Variants in PLXNA4 observed in about 807,000 individuals in gnomAD.
PLXNA4 encodes the protein plexin A4.
A neutral mutation model predicts 191.8 loss-of-function variants in PLXNA4; 44 were observed. That is an observed-to-expected ratio of 0.23 (90% CI 0.18 to 0.29). The LOEUF is 0.29. Among genes scored for constraint, PLXNA4 ranks in the 10% least tolerant of loss-of-function variants. PLXNA4 has a pLI of 1.00. For missense variants in PLXNA4, 1,800 were observed against 2,488.8 expected, an observed-to-expected ratio of 0.72 and a Z score of 5.89; for synonymous variants, 1,082 against 1,009.5, an observed-to-expected ratio of 1.07 and a Z score of -1.36.
chr7:132,318,001 G>A (rs1454767703), intron 3 of PLXNA4, among the ~76,000 whole-genome samples: 1 of 152,238 alleles, frequency 6.6e-6, no homozygotes, highest in Non-Finnish European at 1.5e-5. Flanking sequence ...TGCCTCCTGG[G>A]AAAGGCTGTA....
chr7:132,169,343 G>A (rs1181498991), intron 21 of PLXNA4, among the ~76,000 whole-genome samples: 2 of 152,190 alleles, frequency 1.3e-5, no homozygotes, highest in Admixed American at 6.5e-5. Context: ...CAGCAAACAC[G>A]AGTCAATGAC....
In PLXNA4 at chr7:132,440,098, C is replaced by T. The variant is rs377291793; in HGVS notation, c.1371+49194G>A. 9.9e-5 allele frequency among the ~76,000 whole-genome samples: 15 copies of T among 152,160 alleles called. No homozygotes were observed. The East Asian group carries it at 2.7e-3, about 27-fold the overall frequency. On this transcript the variant is annotated intron_variant, in intron 3 of 31. Coordinates refer to ENST00000321063, the MANE Select transcript of PLXNA4 (RefSeq NM_020911.2). Reference sequence around the variant, plus strand: ...TCATAATAGGGTCAATTACATTCTCCGATTTCCCCACAAGTGAGGCAACAA... The same window carrying T: ...TCATAATAGGGTCAATTACATTCTCTGATTTCCCCACAAGTGAGGCAACAA...
chr7:132,313,148 A>C (rs1269145080), intron 3 of PLXNA4, among the ~76,000 whole-genome samples: 1 of 152,134 alleles, frequency 6.6e-6, no homozygotes, highest in Non-Finnish European at 1.5e-5. Flanking sequence ...CTATGTCCCC[A>C]TCACTTTTCC....
intron 3 of PLXNA4, among the ~76,000 whole-genome samples, chr7:132,326,337 A>T (rs139123539): frequency 4.6e-5 from 7 of 152,036 alleles, no homozygotes; most frequent in African/African-American, 1.7e-4. Flanking sequence ...TTTACAACAA[A>T]CCTCTTTATG....
At chr7:132,552,808 G>A (rs1472567097) in intron 1 of PLXNA4, among the ~76,000 whole-genome samples, 2 of 152,168 alleles carry the variant, frequency 1.3e-5, no homozygotes, top group Admixed American at 6.5e-5. Context: ...AAATCAATTA[G>A]GTGCCTGAGA....
intron 4 of PLXNA4, among the ~76,000 whole-genome samples, chr7:132,251,300 GA>G (rs923132124): frequency 3.3e-5 from 5 of 152,140 alleles, no homozygotes; most frequent in African/African-American, 1.2e-4. Flanking sequence ...TTTAGCAAAT[GA>G]CACAGACAAA....
chr7:132,142,638 C>G (rs1294537166), intron 29 of PLXNA4, among the ~76,000 whole-genome samples: 1 of 152,124 alleles, frequency 6.6e-6, no homozygotes, highest in African/African-American at 2.4e-5. Context: ...AAATGTTTGG[C>G]GGTGTTTGCT....
rs776561964 is a variant in PLXNA4 at position 132,163,064 on chromosome 7, G to T, written c.4500+1078C>A. Among the ~76,000 whole-genome samples, 97 of 152,266 alleles carry T rather than the reference G, an allele frequency of 6.4e-4. 1 individual carries two copies. Among genetic ancestry groups the T allele is most frequent in the Admixed American group, 1.4e-3 (22 of 15,296 alleles). ...TTCCCCGTCCTCCTCGTTCCCTTCT[G>T]TCTCTCTTGCCTCCATTCTTGGGTG... On this transcript the variant is annotated intron_variant, in intron 24 of 31. Coordinates refer to ENST00000321063, the MANE Select transcript of PLXNA4 (RefSeq NM_020911.2).
At chr7:132,207,647 G>T (rs1230596775) in intron 10 of PLXNA4, among the ~76,000 whole-genome samples, 1 of 152,168 alleles carries the variant, frequency 6.6e-6, no homozygotes, top group Non-Finnish European at 1.5e-5. Flanking sequence ...CTCCCACACT[G>T]AATTTTCTTC....
chr7:132,494,264 A>T (rs1417864162), intron 2 of PLXNA4, among the ~76,000 whole-genome samples: 1 of 152,242 alleles, frequency 6.6e-6, no homozygotes, highest in Non-Finnish European at 1.5e-5. Context: ...CTGAAGGAGC[A>T]GGGGAATGGT....
intron 9 of PLXNA4, among the ~76,000 whole-genome samples, chr7:132,220,498 C>A (rs568175047): frequency 2.0e-5 from 3 of 152,286 alleles, no homozygotes; most frequent in African/African-American, 7.2e-5. Context: ...TACCCCAGAG[C>A]CCCTCCCTGC....
chr7:132,224,730 A>G (rs1798256877), intron 8 of PLXNA4, among the ~76,000 whole-genome samples: 1 of 152,144 alleles, frequency 6.6e-6, no homozygotes, highest in South Asian at 2.1e-4. Flanking sequence ...TTGCCGCAAG[A>G]GGCAAGAGGA....
At chr7:132,291,520 G>C (rs1800890454) in intron 4 of PLXNA4, among the ~76,000 whole-genome samples, 1 of 152,184 alleles carries the variant, frequency 6.6e-6, no homozygotes, top group Non-Finnish European at 1.5e-5. Context: ...CTCAGAGCAG[G>C]TGCTCAGTAA....
intron 3 of PLXNA4, among the ~76,000 whole-genome samples, chr7:132,451,132 G>A (rs974226082): frequency 3.3e-5 from 5 of 152,228 alleles, no homozygotes; most frequent in Admixed American, 6.5e-5. Context: ...TAAGGAAGGA[G>A]CGTGAGGCCA....
chr7:132,235,832 G>A (rs555721143), intron 5 of PLXNA4, among the ~76,000 whole-genome samples: 10 of 152,328 alleles, frequency 6.6e-5, no homozygotes, highest in East Asian at 3.9e-4. Context: ...TTCTGGCCCA[G>A]GACAGGAGAT....
rs1802604130 is a variant in PLXNA4, at chr7:132,331,913, C to T, written c.1372-33691G>A. Among the ~76,000 whole-genome samples, 4 of 152,056 alleles carry T rather than the reference C, an allele frequency of 2.6e-5. No individual in the cohort carries two copies. In the South Asian group the frequency reaches 6.2e-4, roughly 24 times the overall value. ...GCATCTGTGAGAAAGTGGAAGGGGCCCTTGAGTGTTGAGATCTGGGTCCTA... is the reference window on the plus strand; with the variant it reads ...GCATCTGTGAGAAAGTGGAAGGGGCTCTTGAGTGTTGAGATCTGGGTCCTA... On this transcript the variant is annotated intron_variant, in intron 3 of 31. Coordinates refer to ENST00000321063, the MANE Select transcript of PLXNA4 (RefSeq NM_020911.2).
intron 5 of PLXNA4, among the ~76,000 whole-genome samples, chr7:132,239,188 G>A (rs1430983211): frequency 6.6e-6 from 1 of 152,188 alleles, no homozygotes; most frequent in Non-Finnish European, 1.5e-5. Flanking sequence ...CAGGAGGCAG[G>A]TATGATGTTA....
In PLXNA4 at chr7:132,439,199, G is replaced by A. The variant is rs112994831; in HGVS notation, c.1371+50093C>T. ...ACTTGCAGTGCAGCTGGCAGGTGCCGGAGCTTCAGACACGTGGCCCACAGG... is the reference window on the plus strand; with the variant it reads ...ACTTGCAGTGCAGCTGGCAGGTGCCAGAGCTTCAGACACGTGGCCCACAGG... On this transcript the variant is annotated intron_variant, in intron 3 of 31. Coordinates refer to ENST00000321063, the MANE Select transcript of PLXNA4 (RefSeq NM_020911.2). 2.3e-3 allele frequency among the ~76,000 whole-genome samples: 345 copies of A among 152,230 alleles called. 1 individual carries two copies. Among genetic ancestry groups the A allele is most frequent in the African/African-American group, 7.8e-3 (322 of 41,536 alleles).
chr7:132,269,547 G>A (rs1467848878), intron 4 of PLXNA4, among the ~76,000 whole-genome samples: 2 of 152,162 alleles, frequency 1.3e-5, no homozygotes, highest in African/African-American at 2.4e-5. Flanking sequence ...GGTTAGGCAT[G>A]TCTGAAAGAG....
Sources: gnomAD v4.1 joint callset for allele counts (sites outside exome capture counted in the v4.1 genomes callset) on GRCh38, gnomAD v4.1.1 for gene constraint, MANE v1.5 for transcripts, NCBI Gene and HGNC (gene_info 2026-07-23, HGNC 2026-07-21) for gene names.